Variants in RASGEF1C observed in about 807,000 individuals in gnomAD.
RASGEF1C encodes RasGEF domain family member 1C.
Under a neutral mutation model 58.1 loss-of-function variants are expected in RASGEF1C, and 27 were observed. That is an observed-to-expected ratio of 0.46 (90% confidence interval 0.34 to 0.64). The LOEUF is 0.64. RASGEF1C is among the 30% of genes least tolerant of loss of function. RASGEF1C has a pLI of 0.01. For synonymous variants in RASGEF1C, 243 were observed against 246.3 expected, an observed-to-expected ratio of 0.99 and a Z score of 0.13; for missense variants, 502 against 605.1, an observed-to-expected ratio of 0.83 and a Z score of 1.79.
chr5:180,171,364 T>C (rs1331896765), intron 1 of RASGEF1C, among the ~76,000 whole-genome samples: 5 of 151,684 alleles, frequency 3.3e-5, no homozygotes, highest in African/African-American at 4.9e-5. Flanking sequence ...TGAAGACTGG[T>C]GGAAAAAGGA....
chr5:180,123,263 G>A (rs1048994162), intron 6 of RASGEF1C, among the ~76,000 whole-genome samples: 14 of 152,196 alleles, frequency 9.2e-5, no homozygotes, highest in South Asian at 2.1e-4. Context: ...TTTATCAGGA[G>A]AAGTTGAGTC....
At position 180,208,862 on chromosome 5, in the gene RASGEF1C, C is replaced by T. The variant is rs946658768; in HGVS notation, c.-7+166G>A. On this transcript the variant is annotated intron_variant, in intron 1 of 13. Coordinates refer to ENST00000361132, the MANE Select transcript of RASGEF1C (RefSeq NM_175062.4). ...GCTACCCCCGCGCCTCCAGTCCCGG[C>T]GGCCGCGCGGACCCCGCCCCTGCTG... Among the ~76,000 whole-genome samples the T allele has an allele frequency of 2.0e-5, 3 of 150,680 alleles. No individual in the cohort carries two copies. The Middle Eastern group carries it at 0.01, about 520-fold the overall frequency.
chr5:180,101,455 G>A lies in RASGEF1C; in HGVS notation c.*46C>T, dbSNP rs747697652. ...GGGCCACTGAGGCAGGGCTGTGGACGGCTTCTGCGGGCTCCAGCTCTTCCT... is the reference window on the plus strand; with the variant it reads ...GGGCCACTGAGGCAGGGCTGTGGACAGCTTCTGCGGGCTCCAGCTCTTCCT... On this transcript the variant is annotated 3_prime_UTR_variant, in exon 14 of 14. Transcript: ENST00000361132. 1.8e-5 allele frequency: 29 copies of A among 1,604,830 alleles called. No homozygotes were observed. The Admixed American group carries it at 2.2e-4, about 12-fold the overall frequency.
intron 12 of RASGEF1C, among the ~76,000 whole-genome samples, chr5:180,103,355 G>A (rs772961511): frequency 3.0e-4 from 46 of 152,330 alleles, no homozygotes; most frequent in Non-Finnish European, 6.2e-4. Context: ...GAGATTACAG[G>A]CGTGAGCCAC....
chr5:180,188,520 A>G (rs1204025050), intron 1 of RASGEF1C, among the ~76,000 whole-genome samples: 1 of 152,128 alleles, frequency 6.6e-6, no homozygotes, highest in Non-Finnish European at 1.5e-5. Flanking sequence ...CCCAATAAAA[A>G]CTCTCAGCCA....
rs1766836873 is a variant in RASGEF1C, at chr5:180,155,661, C to G, written c.-6-17603G>C. Among the ~76,000 whole-genome samples, 1 of 152,058 alleles carries G rather than the reference C, an allele frequency of 6.6e-6. No individual in the cohort carries two copies. The highest frequency in any genetic ancestry group is 6.5e-5 in the Admixed American group (1 of 15,272). On this transcript the variant is annotated intron_variant, in intron 1 of 13. Transcript: ENST00000361132. The surrounding 1 kb of genome is among the most constrained non-coding windows in gnomAD (Gnocchi z 5.2). Reference sequence around the variant, plus strand: ...ATTGGCCACTAAATATAGAGCTCTCCCAAGAGGGCAAGTCAGCCTCTCTCC... The same window carrying G: ...ATTGGCCACTAAATATAGAGCTCTCGCAAGAGGGCAAGTCAGCCTCTCTCC...
chr5:180,182,204 CAAAAA>C (rs1156831010), intron 1 of RASGEF1C, among the ~76,000 whole-genome samples: 12 of 22,770 alleles, frequency 5.3e-4, no homozygotes, highest in East Asian at 2.1e-3. Context: ...GACTCCGTCT[CAAAAA>C]AAAAAAAAAA....
chr5:180,160,551 C>G (rs917117457), intron 1 of RASGEF1C, among the ~76,000 whole-genome samples: 2 of 152,120 alleles, frequency 1.3e-5, no homozygotes, highest in African/African-American at 4.8e-5. Context: ...ATCCTAATGC[C>G]CAGCATCATT....
At chr5:180,154,930 G>T (rs896299543) in intron 1 of RASGEF1C, among the ~76,000 whole-genome samples, 3 of 152,190 alleles carry the variant, frequency 2.0e-5, no homozygotes, top group Admixed American at 6.5e-5. Context: ...GGACCTTTGA[G>T]GGGGAATTGG....
rs976265606 is a variant in RASGEF1C at position 180,197,357 on chromosome 5, T to G, written c.-7+11671A>C. Reference sequence around the variant, plus strand: ...CAGGGCAGTGGTGGCCTCTTGACAGTGGACCCAGGCTGGACAGAGAAGGCC... The same window carrying G: ...CAGGGCAGTGGTGGCCTCTTGACAGGGGACCCAGGCTGGACAGAGAAGGCC... On this transcript the variant is annotated intron_variant, in intron 1 of 13. Coordinates refer to ENST00000361132, the MANE Select transcript of RASGEF1C (RefSeq NM_175062.4). The surrounding 1 kb of genome is among the most constrained non-coding windows in gnomAD (Gnocchi z 4.7). Among the ~76,000 whole-genome samples, 1 of 152,024 alleles carries G rather than the reference T, an allele frequency of 6.6e-6. No homozygotes were observed. The highest frequency in any genetic ancestry group is 1.9e-4 in the East Asian group (1 of 5,192).
chr5:180,115,289 T>TAAAA, intron 10 of RASGEF1C: 1 of 396,338 alleles, frequency 2.5e-6, no homozygotes, highest in East Asian at 8.1e-5. Flanking sequence ...GGCCTCCTTT[T>TAAAA]TAAAAAAAAA....
intron 1 of RASGEF1C, among the ~76,000 whole-genome samples, chr5:180,171,417 G>A (rs941841414): frequency 1.3e-5 from 2 of 152,050 alleles, no homozygotes; most frequent in African/African-American, 2.4e-5. Flanking sequence ...AATCCAACCC[G>A]CCCATGAGAA....
Position 180,102,120 on chromosome 5 carries a change from T to C in RASGEF1C, c.1327A>G (p.Ser443Gly). The C allele has an allele frequency of 6.2e-7, 1 of 1,601,058 alleles. No homozygotes were observed. The highest frequency in any genetic ancestry group is 8.6e-7 in the Non-Finnish European group (1 of 1,168,100). The change falls in exon 13 of 14, where the codon AGT becomes GGT. Residue 443 changes from serine to glycine, a missense_variant. Transcript: ENST00000361132. ...EDGLYLASYE[S>G]ESPENQTEKE... ...TCTGTTTGGTTCTCTGGGCTCTCACTTTCGTAAGAAGCCAAATAAAGACCT... is the reference window on the plus strand; with the variant it reads ...TCTGTTTGGTTCTCTGGGCTCTCACCTTCGTAAGAAGCCAAATAAAGACCT...
intron 12 of RASGEF1C, among the ~76,000 whole-genome samples, chr5:180,111,064 T>G (rs1226752709): frequency 6.6e-6 from 1 of 152,194 alleles, no homozygotes; most frequent in African/African-American, 2.4e-5. Context: ...TCTGCCTGCC[T>G]CTGCCTCCCA....
At chr5:180,147,533 C>A (rs1220989476) in intron 1 of RASGEF1C, among the ~76,000 whole-genome samples, 2 of 151,870 alleles carry the variant, frequency 1.3e-5, no homozygotes, top group African/African-American at 2.4e-5. Flanking sequence ...TTCGAATTTC[C>A]CTTGGGACTT....
At chr5:180,120,529 G>T (rs1328663670) in intron 7 of RASGEF1C, among the ~76,000 whole-genome samples, 3 of 152,258 alleles carry the variant, frequency 2.0e-5, no homozygotes, top group African/African-American at 4.8e-5. Context: ...TCAGAGGAGG[G>T]TCCCTCTGCT....
chr5:180,120,162 G>A (rs1443051030), intron 7 of RASGEF1C, among the ~76,000 whole-genome samples: 2 of 152,228 alleles, frequency 1.3e-5, no homozygotes, highest in African/African-American at 4.8e-5. Context: ...GGTCTTTACT[G>A]TCACCAAGAA....
intron 6 of RASGEF1C, among the ~76,000 whole-genome samples, chr5:180,123,303 A>G (rs569503381): frequency 6.6e-6 from 1 of 152,322 alleles, no homozygotes; most frequent in East Asian, 1.9e-4. Context: ...TTTAACACAC[A>G]TGACGGTAAC....
At chr5:180,131,562 C>T (rs6871589) in intron 4 of RASGEF1C, among the ~76,000 whole-genome samples, 10,501 of 152,248 alleles carry the variant, frequency 0.069, 834 homozygotes, top group African/African-American at 0.2. Flanking sequence ...TCTCCTCTCC[C>T]TGGACCACAA....
Sources: gnomAD v4.1 joint callset for allele counts (sites outside exome capture counted in the v4.1 genomes callset) on GRCh38, gnomAD v4.1.1 for gene constraint, Gnocchi (gnomAD v3.1) non-coding constraint, MANE v1.5 for transcripts, NCBI Gene and HGNC (gene_info 2026-07-23, HGNC 2026-07-21) for gene names.